MDGA2: variants seen among roughly 807,000 people sequenced by gnomAD.
MDGA2 encodes the protein MAM domain containing glycosylphosphatidylinositol anchor 2.
MDGA2 carries 40 observed loss-of-function variants against 117.8 expected under a neutral mutation model. That is an observed-to-expected ratio of 0.34 (90% confidence interval 0.26 to 0.44). The LOEUF (loss-of-function observed/expected upper bound fraction) is 0.44. Among genes scored for constraint, MDGA2 ranks in the 20% least tolerant of loss-of-function variants. The probability of loss-of-function intolerance (pLI) is 1.00; values close to 1 mark genes in which losing one functional copy is unlikely to be tolerated. For missense variants in MDGA2, 1,123 were observed against 1,250.6 expected, an observed-to-expected ratio of 0.90 and a Z score of 1.54; for synonymous variants, 452 against 439.0, an observed-to-expected ratio of 1.03 and a Z score of -0.37.
chr14:47,512,901 A>T (rs1894671440), intron 1 of MDGA2, among the ~76,000 whole-genome samples: 2 of 146,984 alleles, frequency 1.4e-5, no homozygotes. Flanking sequence ...TGCTGCGTTT[A>T]TACACAATGC....
intron 2 of MDGA2, among the ~76,000 whole-genome samples, chr14:47,257,154 T>C (rs1887648116): frequency 1.3e-5 from 2 of 152,164 alleles, no homozygotes; most frequent in African/African-American, 4.8e-5. Flanking sequence ...AATAGCTTCC[T>C]GGCTTAGAAT....
intron 4 of MDGA2, among the ~76,000 whole-genome samples, chr14:47,138,003 TA>T (rs1430543581): frequency 2.0e-5 from 3 of 152,148 alleles, no homozygotes; most frequent in African/African-American, 7.2e-5. Flanking sequence ...TTGTTTAAAA[TA>T]ACAGAATTAT....
At chr14:47,266,656 T>C (rs950241458) in intron 2 of MDGA2, among the ~76,000 whole-genome samples, 2 of 152,218 alleles carry the variant, frequency 1.3e-5, no homozygotes, top group Non-Finnish European at 2.9e-5. Context: ...CTCTTCAGTC[T>C]CTGGAATTGT....
intron 1 of MDGA2, among the ~76,000 whole-genome samples, chr14:47,437,193 G>A (rs1892917378): frequency 6.6e-6 from 1 of 151,962 alleles, no homozygotes; most frequent in African/African-American, 2.4e-5. Context: ...GCATATAACT[G>A]TATGAAATAA....
chr14:47,537,225 A>G (rs1485272776), intron 1 of MDGA2, among the ~76,000 whole-genome samples: 1 of 146,332 alleles, frequency 6.8e-6, no homozygotes, highest in African/African-American at 2.5e-5. Flanking sequence ...CAAACACCGC[A>G]TGTTCTCACT....
chr14:47,134,765 C>T lies in MDGA2; in HGVS notation c.793-2919G>A, dbSNP rs538995112. Among the ~76,000 whole-genome samples the T allele has an allele frequency of 2.5e-3, 367 of 146,514 alleles. 3 individuals are homozygous for T. The highest frequency in any genetic ancestry group is 3.7e-3 in the Non-Finnish European group (250 of 66,834). ...TTACATATTTATGTGTGTATATATA[C>T]ACACACACACACTATATATATATAT... is the stretch of plus-strand genomic sequence containing the variant. On this transcript the variant is annotated intron_variant, in intron 4 of 16. Coordinates refer to ENST00000399232, the MANE Select transcript of MDGA2 (RefSeq NM_001113498.3).
chr14:47,540,542 A>ATGTG (rs1194509006), intron 1 of MDGA2, among the ~76,000 whole-genome samples: 9 of 67,250 alleles, frequency 1.3e-4, no homozygotes, highest in African/African-American at 3.9e-4. Context: ...GTGTGTGTGT[A>ATGTG]TATATATATA....
chr14:47,501,358 T>C (rs532087069), intron 1 of MDGA2, among the ~76,000 whole-genome samples: 3 of 152,318 alleles, frequency 2.0e-5, no homozygotes, highest in Admixed American at 1.3e-4. Flanking sequence ...TGAGCAGATA[T>C]TCTTTGGCTC....
At chr14:47,540,540 G>GTGTGTCTATATATATATATA in intron 1 of MDGA2, among the ~76,000 whole-genome samples, 2 of 79,188 alleles carry the variant, frequency 2.5e-5, no homozygotes, top group African/African-American at 7.8e-5. Context: ...GTGTGTGTGT[G>GTGTGTCTATATATATATATA]TATATATATA....
At chr14:47,178,771 T>G (rs967766686) in intron 3 of MDGA2, among the ~76,000 whole-genome samples, 1 of 152,094 alleles carries the variant, frequency 6.6e-6, no homozygotes, top group Non-Finnish European at 1.5e-5. Context: ...TTCAAATGTA[T>G]ATAGAAACTC....
chr14:47,218,751 A>T (rs1886193209), intron 2 of MDGA2, among the ~76,000 whole-genome samples: 1 of 152,094 alleles, frequency 6.6e-6, no homozygotes, highest in Non-Finnish European at 1.5e-5. Context: ...GGCTTTGCTT[A>T]ATAAGCCCAC....
chr14:47,243,734 T>C (rs1316961844), intron 2 of MDGA2, among the ~76,000 whole-genome samples: 1 of 151,666 alleles, frequency 6.6e-6, no homozygotes, highest in Non-Finnish European at 1.5e-5. Context: ...TTAAGAGCTG[T>C]AACGCTCACC....
chr14:47,517,093 T>C (rs1016478783), intron 1 of MDGA2, among the ~76,000 whole-genome samples: 1 of 152,198 alleles, frequency 6.6e-6, no homozygotes, highest in African/African-American at 2.4e-5. Flanking sequence ...ATAAATGTTT[T>C]CACATATGAT....
At chr14:46,992,919 A>G (rs1353916689) in intron 8 of MDGA2, among the ~76,000 whole-genome samples, 1 of 152,192 alleles carries the variant, frequency 6.6e-6, no homozygotes, top group African/African-American at 2.4e-5. Flanking sequence ...CTTACATATC[A>G]TTTAATATTG....
chr14:46,920,606 A>T (rs1455594580), intron 9 of MDGA2, among the ~76,000 whole-genome samples: 1 of 152,156 alleles, frequency 6.6e-6, no homozygotes, highest in Admixed American at 6.5e-5. Context: ...AAGCCAAGAG[A>T]CGGATATTAC....
intron 6 of MDGA2, among the ~76,000 whole-genome samples, chr14:47,079,027 T>A (rs1183010787): frequency 1.4e-5 from 2 of 145,240 alleles, no homozygotes; most frequent in Non-Finnish European, 3.0e-5. Flanking sequence ...CACATGTAAG[T>A]GAGATGAAAA....
chr14:47,091,001 C>A (rs556590259), intron 6 of MDGA2, among the ~76,000 whole-genome samples: 1 of 152,186 alleles, frequency 6.6e-6, no homozygotes, highest in South Asian at 2.1e-4. Context: ...GTGAACAAAA[C>A]AAATGATTAT....
intron 6 of MDGA2, among the ~76,000 whole-genome samples, chr14:47,081,301 G>A (rs1216450592): frequency 1.3e-5 from 2 of 151,958 alleles, no homozygotes; most frequent in African/African-American, 2.4e-5. Flanking sequence ...TACAGATGAT[G>A]AAACGGAAAC....
chr14:47,231,594 C>T (rs1228941657), intron 2 of MDGA2, among the ~76,000 whole-genome samples: 3 of 151,990 alleles, frequency 2.0e-5, no homozygotes, highest in Non-Finnish European at 2.9e-5. Flanking sequence ...GTTTCCTATA[C>T]ATATTATATT....
Sources: allele counts gnomAD v4.1 joint callset (sites outside exome capture counted in the v4.1 genomes callset), GRCh38; gene constraint gnomAD v4.1.1; transcripts MANE v1.5; gene names NCBI Gene and HGNC (gene_info 2026-07-23, HGNC 2026-07-21).